The following TRIM14 variants were observed in gnomAD, a reference collection of about 807,000 sequenced individuals.
TRIM14 encodes the protein tripartite motif-containing protein 14.
TRIM14 carries 28 observed loss-of-function variants against 44.5 expected under a neutral mutation model. That is an observed-to-expected ratio of 0.63 (90% CI 0.47 to 0.86). The LOEUF is 0.86. Among genes scored for constraint, TRIM14 ranks in the 40% least tolerant of loss-of-function variants. The probability of loss-of-function intolerance (pLI) is 0.00; values close to 1 mark genes in which losing one functional copy is unlikely to be tolerated. For missense variants in TRIM14, 607 were observed against 611.1 expected (o/e 0.99, Z 0.07); for synonymous variants, 299 against 269.2 (o/e 1.11, Z -1.08).
the TRIM14 span, among the ~76,000 whole-genome samples, chr9:98,039,656 C>T: frequency 6.6e-6 from 1 of 152,002 alleles, no homozygotes; most frequent in Middle Eastern, 3.2e-3. Context: ...ATCAGCTGGC[C>T]CTACCCAGAT....
In TRIM14 at chr9:98,095,738, G is replaced by A. The variant is rs143519446; in HGVS notation, c.538-709C>T. On this transcript the variant is annotated intron_variant, in intron 3 of 5. Transcript: ENST00000341469. The surrounding 1 kb of genome is among the most constrained non-coding windows in gnomAD (Gnocchi z 4.1). ...GCCAAAGCGTGGATTTGGAAATGAC[G>A]GTGAAGGTAGTGATGGTGGCATGTG... Among the ~76,000 whole-genome samples the A allele has an allele frequency of 1.2e-3, 176 of 152,294 alleles. 2 individuals carry two copies. The Middle Eastern group carries it at 0.014, about 12-fold the overall frequency.
the TRIM14 span, among the ~76,000 whole-genome samples, chr9:98,057,186 A>G: frequency 6.6e-6 from 1 of 152,236 alleles, no homozygotes; most frequent in Non-Finnish European, 1.5e-5. Flanking sequence ...TGGTGCCAGA[A>G]TAATCTTTCT....
intron 2 of TRIM14, among the ~76,000 whole-genome samples, chr9:98,105,613 CA>C (rs1377505722): frequency 6.6e-6 from 1 of 152,092 alleles, no homozygotes; most frequent in African/African-American, 2.4e-5. Context: ...AACAAACAAA[CA>C]AAGTAAATTC....
At chr9:98,047,510 CCT>C in the TRIM14 span, among the ~76,000 whole-genome samples, 1 of 152,054 alleles carries the variant, frequency 6.6e-6, no homozygotes, top group African/African-American at 2.4e-5. Flanking sequence ...TTGGGAAAAA[CCT>C]CTGTTTTTCT....
At chr9:98,114,784 G>T (rs1826987481) in intron 1 of TRIM14, among the ~76,000 whole-genome samples, 1 of 152,150 alleles carries the variant, frequency 6.6e-6, no homozygotes, top group Non-Finnish European at 1.5e-5. Context: ...TTAAGCAAAA[G>T]CTTCCAGAAC....
chr9:98,070,140 G>C (rs1829271298), intron 6 of TRIM14, among the ~76,000 whole-genome samples: 1 of 152,070 alleles, frequency 6.6e-6, no homozygotes, highest in Non-Finnish European at 1.5e-5. Context: ...TATTTTTTGA[G>C]ACAGAGTCTT....
chr9:98,059,523 T>TC, the TRIM14 span, among the ~76,000 whole-genome samples: 6 of 152,080 alleles, frequency 3.9e-5, no homozygotes, highest in Admixed American at 3.9e-4. Flanking sequence ...CAAGCGATCC[T>TC]CCCCCCTCAG....
intron 6 of TRIM14, among the ~76,000 whole-genome samples, chr9:98,070,227 C>T (rs1829277504): frequency 1.3e-5 from 2 of 152,128 alleles, no homozygotes; most frequent in African/African-American, 4.8e-5. Flanking sequence ...AAGCAGTTCT[C>T]CTGCTTCAGC....
the TRIM14 span, among the ~76,000 whole-genome samples, chr9:98,054,268 C>T: frequency 1.3e-5 from 2 of 152,112 alleles, no homozygotes; most frequent in African/African-American, 4.8e-5. Context: ...AAAGACAAGA[C>T]GGACAGAAGG....
chr9:98,102,395 G>A (rs1295267253), intron 2 of TRIM14, among the ~76,000 whole-genome samples: 1 of 152,150 alleles, frequency 6.6e-6, no homozygotes, highest in East Asian at 1.9e-4. Flanking sequence ...GCCTCAGACA[G>A]TTGTTAACCA....
chr9:98,067,211 G>A (rs373437309), downstream of TRIM14, among the ~76,000 whole-genome samples: 296 of 152,260 alleles, frequency 1.9e-3, no homozygotes, highest in African/African-American at 6.9e-3. Flanking sequence ...TAATGCTGCT[G>A]TGAGCTTTTA....
the TRIM14 span, among the ~76,000 whole-genome samples, chr9:98,045,663 T>G: frequency 6.6e-6 from 1 of 152,214 alleles, no homozygotes; most frequent in Non-Finnish European, 1.5e-5. Context: ...TGTTCATTTC[T>G]CAACTAAACT....
chr9:98,103,848 A>AAAAAAAG (rs1317003058), intron 2 of TRIM14, among the ~76,000 whole-genome samples: 1 of 151,872 alleles, frequency 6.6e-6, no homozygotes, highest in African/African-American at 2.4e-5. Flanking sequence ...AAAAAAAAAA[A>AAAAAAAG]AAAAAAAATT....
the TRIM14 span, among the ~76,000 whole-genome samples, chr9:98,060,164 C>A: frequency 3.9e-5 from 6 of 152,234 alleles, no homozygotes; most frequent in South Asian, 1.2e-3. Context: ...TAAAATCTTC[C>A]TTAACTCTTT....
rs767373356 is a variant in TRIM14 at position 98,087,434 on chromosome 9, C to A, written c.*36G>T. On this transcript the variant is annotated 3_prime_UTR_variant, in exon 6 of 6. Transcript: ENST00000341469. ...TAGATTAGGCGAGACTGGGCAGCTG[C>A]GGCGTACCTGGAGGCTGTCACGCCG... is the stretch of plus-strand genomic sequence containing the variant. 6.2e-7 allele frequency: 1 copy of A among 1,607,028 alleles called. No homozygotes were observed. Among genetic ancestry groups the A allele is most frequent in the Non-Finnish European group, 8.5e-7 (1 of 1,175,470 alleles).
chr9:98,050,612 G>A, the TRIM14 span, among the ~76,000 whole-genome samples: 1 of 152,060 alleles, frequency 6.6e-6, no homozygotes, highest in African/African-American at 2.4e-5. Context: ...CCCTAATTTT[G>A]TTTTTAAATA....
chr9:98,045,201 G>C, the TRIM14 span, among the ~76,000 whole-genome samples: 4 of 152,126 alleles, frequency 2.6e-5, no homozygotes, highest in African/African-American at 9.7e-5. Flanking sequence ...CAACAGCCAA[G>C]ACTACTTCCT....
chr9:98,078,274 C>G, intron 6 of TRIM14: 1 of 1,614,012 alleles, frequency 6.2e-7, no homozygotes, highest in Non-Finnish European at 8.5e-7. Context: ...CCCCTCAACC[C>G]CAACTTCTGC....
chr9:98,050,535 A>G, the TRIM14 span, among the ~76,000 whole-genome samples: 1 of 152,160 alleles, frequency 6.6e-6, no homozygotes, highest in East Asian at 1.9e-4. Context: ...GCTATGTCAC[A>G]TTTAGCACGA....
Sources: allele counts gnomAD v4.1 joint callset (sites outside exome capture counted in the v4.1 genomes callset), GRCh38; gene constraint gnomAD v4.1.1; non-coding constraint Gnocchi (gnomAD v3.1); transcripts MANE v1.5; gene names NCBI Gene and HGNC (gene_info 2026-07-23, HGNC 2026-07-21).